Variants in KATNIP observed in about 807,000 individuals in gnomAD.
The protein encoded by KATNIP is katanin interacting protein.
In KATNIP, 126 loss-of-function variants were observed where a neutral mutation model predicts 174.0. The observed-to-expected ratio is 0.72, with a 90% confidence interval of 0.63 to 0.84. The LOEUF (loss-of-function observed/expected upper bound fraction) is 0.84. Among genes scored for constraint, KATNIP ranks in the 40% least tolerant of loss-of-function variants. The pLI, the probability that KATNIP is intolerant of heterozygous loss-of-function variation, is 0.00. For synonymous variants in KATNIP, 810 were observed against 835.7 expected, an observed-to-expected ratio of 0.97 and a Z score of 0.53; for missense variants, 1,958 against 2,109.7, an observed-to-expected ratio of 0.93 and a Z score of 1.41.
chr16:27,778,387 G>C (rs2082579798), intron 27 of KATNIP, among the ~76,000 whole-genome samples, 187 bp from the exon 28 acceptor site: 1 of 152,202 alleles, frequency 6.6e-6, no homozygotes, highest in Non-Finnish European at 1.5e-5. Context: ...AGGCTGAGAG[G>C]GGTGTTGTGG....
Position 27,740,643 on chromosome 16 carries a change from G to C in KATNIP, c.2346G>C (p.Leu782=). The change falls in exon 15 of 28, where the codon CTG becomes CTC. Residue 782 remains leucine, a synonymous_variant. Coordinates refer to ENST00000261588, the MANE Select transcript of KATNIP (RefSeq NM_015202.5). ...TCTGGCTTAGTCCCGAGAAGCCCCT[G>C]GCCTGGAAGGGCAGGCTCCCATCAG... ...KPLWLSPEKP[L]AWKGRLPSDD... The C allele has an allele frequency of 6.2e-7, 1 of 1,614,158 alleles. No homozygotes were observed. Among genetic ancestry groups the C allele is most frequent in the Admixed American group, 1.7e-5 (1 of 60,034 alleles).
At chr16:27,628,561 GACGCTTC>G (rs1727521542) in intron 3 of KATNIP, 93 bp from the exon 4 acceptor site, 1 of 1,285,706 alleles carries the variant, frequency 7.8e-7, no homozygotes, top group South Asian at 1.4e-5. Context: ...TCTGATTAGA[GACGCTTC>G]ACTGTGGGAA....
intron 23 of KATNIP, 117 bp from the exon 24 acceptor site, chr16:27,774,828 G>A: frequency 1.6e-6 from 2 of 1,219,168 alleles, no homozygotes; most frequent in South Asian, 1.4e-5. Flanking sequence ...TGCTGCGGCT[G>A]CCCAAAGCAT....
intron 14 of KATNIP, among the ~76,000 whole-genome samples, chr16:27,725,352 A>G (rs904743330): frequency 1.3e-5 from 2 of 152,196 alleles, no homozygotes; most frequent in Admixed American, 6.5e-5. Flanking sequence ...TCTTTTGCCA[A>G]CTCGGATGGG....
chr16:27,561,455 C>T (rs1000493654), intron 1 of KATNIP, among the ~76,000 whole-genome samples: 2 of 152,182 alleles, frequency 1.3e-5, no homozygotes, highest in African/African-American at 4.8e-5. Context: ...CCTGTCCTGG[C>T]CCAATTTCGT....
chr16:27,711,531 G>A (rs1036076982), intron 13 of KATNIP, among the ~76,000 whole-genome samples: 1 of 152,176 alleles, frequency 6.6e-6, no homozygotes, highest in African/African-American at 2.4e-5. Context: ...TAGCTGGTTG[G>A]TTTGTCCTCG....
At chr16:27,553,063 G>T (rs1467974496) in intron 1 of KATNIP, among the ~76,000 whole-genome samples, 1 of 152,146 alleles carries the variant, frequency 6.6e-6, no homozygotes, top group African/African-American at 2.4e-5. Context: ...CTTTTATACT[G>T]TGTTACATTA....
intron 6 of KATNIP, among the ~76,000 whole-genome samples, chr16:27,650,246 C>T (rs951025550): frequency 6.0e-5 from 9 of 150,780 alleles, no homozygotes; most frequent in African/African-American, 9.8e-5. Flanking sequence ...AAGCGTGCAA[C>T]GGCATGAGGC....
chr16:27,760,214 G>A (rs2081900522), intron 18 of KATNIP, among the ~76,000 whole-genome samples: 1 of 152,172 alleles, frequency 6.6e-6, no homozygotes, highest in African/African-American at 2.4e-5. Flanking sequence ...TGGCATTTCT[G>A]TGAACGCTGC....
intron 23 of KATNIP, 138 bp from the exon 24 acceptor site, chr16:27,774,807 T>C: frequency 1.0e-6 from 1 of 969,430 alleles, no homozygotes; most frequent in Non-Finnish European, 1.6e-6. Flanking sequence ...CACGTCCAAT[T>C]CAGCTGTCAC....
chr16:27,760,841 A>T (rs57187521), intron 18 of KATNIP, among the ~76,000 whole-genome samples: 2 of 152,166 alleles, frequency 1.3e-5, no homozygotes, highest in African/African-American at 4.8e-5. Context: ...CAGGTTATCA[A>T]TGGAGGTTTG....
At chr16:27,756,030 C>A (rs1791560425) in intron 18 of KATNIP, among the ~76,000 whole-genome samples, 1 of 152,050 alleles carries the variant, frequency 6.6e-6, no homozygotes, top group Non-Finnish European at 1.5e-5. Context: ...TTCCCGCCAC[C>A]AGAGGACTAA....
chr16:27,704,401 A>G (rs2079218728), intron 12 of KATNIP, among the ~76,000 whole-genome samples: 2 of 152,226 alleles, frequency 1.3e-5, no homozygotes, highest in Admixed American at 6.5e-5. Context: ...AGTCCCACAT[A>G]CGTGGCAGGC....
At chr16:27,638,383 A>C (rs1156856666) in intron 5 of KATNIP, among the ~76,000 whole-genome samples, 1 of 152,194 alleles carries the variant, frequency 6.6e-6, no homozygotes, top group African/African-American at 2.4e-5. Context: ...TGGCTCCAAG[A>C]AGTGGAGTTA....
In KATNIP at chr16:27,761,515, T is replaced by C. The variant is rs766698117; in HGVS notation, c.3734T>C (p.Leu1245Pro). ...GAGGGCCAGGCGCTGCCCATCCACC[T>C]GCACCAGATCTCTGCTTCCCCCAGA... is the stretch of plus-strand genomic sequence containing the variant. ...GKEGQALPIH[L>P]HQISASPRDL... The change falls in exon 19 of 28, where the codon CTG becomes CCG. Residue 1245 changes from leucine to proline, a missense_variant. Coordinates refer to ENST00000261588, the MANE Select transcript of KATNIP (RefSeq NM_015202.5). 17 of 1,614,032 alleles carry C rather than the reference T, an allele frequency of 1.1e-5. No individual in the cohort carries two copies. The highest frequency in any genetic ancestry group is 1.1e-5 in the South Asian group (1 of 91,084).
chr16:27,581,303 G>A (rs1321997847), intron 2 of KATNIP, among the ~76,000 whole-genome samples: 1 of 152,178 alleles, frequency 6.6e-6, no homozygotes, highest in Non-Finnish European at 1.5e-5. Flanking sequence ...ATAGCCAAAG[G>A]TTAAATGCTT....
intron 2 of KATNIP, among the ~76,000 whole-genome samples, chr16:27,584,803 AATC>A (rs2090830799): frequency 6.6e-6 from 1 of 152,152 alleles, no homozygotes; most frequent in African/African-American, 2.4e-5. Context: ...AAAAAAAAAA[AATC>A]ATGTTGACAT....
Position 27,773,176 on chromosome 16 carries a change from G to C in KATNIP, c.4276G>C (p.Glu1426Gln), listed in dbSNP as rs117316062. Reference sequence around the variant, plus strand: ...CCTCACCGGCCTGGAGCTGTATGACGAGCGAGGAGAAAAAATCCCCTTGTC... The same window carrying C: ...CCTCACCGGCCTGGAGCTGTATGACCAGCGAGGAGAAAAAATCCCCTTGTC... ...IGLTGLELYD[E>Q]RGEKIPLSEN... is the part of the protein sequence containing the mutation. Residue 1426 changes from glutamate to glutamine, a missense_variant, in exon 23 of 28, where the codon GAG becomes CAG. Glu to Gln is a conservative substitution (Grantham distance 29). Coordinates refer to ENST00000261588, the MANE Select transcript of KATNIP (RefSeq NM_015202.5). 3 of 1,611,600 alleles carry C rather than the reference G, an allele frequency of 1.9e-6. No homozygotes were observed. In the African/African-American group the frequency reaches 4.0e-5, roughly 22 times the overall value.
At chr16:27,623,380 C>T (rs899966779) in intron 3 of KATNIP, among the ~76,000 whole-genome samples, 1 of 152,188 alleles carries the variant, frequency 6.6e-6, no homozygotes, top group African/African-American at 2.4e-5. Flanking sequence ...CCTTGAAGGC[C>T]CATAGCAAGC....
Sources: gnomAD v4.1 joint callset for allele counts (sites outside exome capture counted in the v4.1 genomes callset) on GRCh38, gnomAD v4.1.1 for gene constraint, MANE v1.5 for transcripts, NCBI Gene and HGNC (gene_info 2026-07-23, HGNC 2026-07-21) for gene names.